The following PDE4B variants were observed in gnomAD, a reference collection of about 807,000 sequenced individuals.
PDE4B encodes the protein 3',5'-cyclic-AMP phosphodiesterase 4B.
PDE4B carries 20 observed loss-of-function variants against 82.2 expected under a neutral mutation model. The ratio of observed to expected loss-of-function variants is 0.24; its 90% CI spans 0.17 to 0.35. The LOEUF (loss-of-function observed/expected upper bound fraction) is 0.35, where lower values mean the gene tolerates loss of function less well. Ranked by LOEUF, PDE4B falls within the 10% of genes least tolerant of loss-of-function variation. The pLI is 1.00. For missense variants in PDE4B, 655 were observed against 907.2 expected (o/e 0.72, Z 3.57); for synonymous variants, 320 against 318.9 (o/e 1.00, Z -0.04).
chr1:65,959,102 A>G (rs189782370), intron 3 of PDE4B, among the ~76,000 whole-genome samples: 126 of 152,336 alleles, frequency 8.3e-4, no homozygotes, highest in African/African-American at 3.0e-3. Context: ...AGGTTTAAAT[A>G]TACAGCACAT....
intron 3 of PDE4B, among the ~76,000 whole-genome samples, chr1:65,923,372 A>G (rs1255571967): frequency 6.6e-6 from 1 of 152,146 alleles, no homozygotes; most frequent in Non-Finnish European, 1.5e-5. Context: ...ATCTTCTTAC[A>G]TGAGGGTCTT....
At chr1:66,064,715 G>A (rs1655755300) in intron 3 of PDE4B, among the ~76,000 whole-genome samples, 1 of 151,868 alleles carries the variant, frequency 6.6e-6, no homozygotes, top group South Asian at 2.1e-4. Flanking sequence ...TGAATTCTTG[G>A]ACACTGCACT....
intron 7 of PDE4B, among the ~76,000 whole-genome samples, chr1:66,286,005 T>A (rs955156492): frequency 1.4e-4 from 22 of 152,148 alleles, no homozygotes; most frequent in African/African-American, 5.3e-4. Context: ...CTGACACACT[T>A]TCCCATCATA....
At chr1:66,069,143 G>T (rs1006864737) in intron 3 of PDE4B, among the ~76,000 whole-genome samples, 2 of 151,942 alleles carry the variant, frequency 1.3e-5, no homozygotes, top group Non-Finnish European at 2.9e-5. Context: ...TTCTTACATG[G>T]TCCTCTATTG....
intron 8 of PDE4B, among the ~76,000 whole-genome samples, chr1:66,337,124 C>A (rs116770087): frequency 1.3e-5 from 2 of 152,174 alleles, no homozygotes; most frequent in East Asian, 3.8e-4. Context: ...GGTAGACAGG[C>A]GCTCAGTCCT....
At chr1:65,919,092 G>C (rs1019645364) in intron 3 of PDE4B, among the ~76,000 whole-genome samples, 7 of 152,124 alleles carry the variant, frequency 4.6e-5, no homozygotes, top group African/African-American at 1.7e-4. Flanking sequence ...TTAATGTAAA[G>C]GGATAACAAA....
chr1:65,821,543 A>T (rs1645952855), intron 1 of PDE4B, among the ~76,000 whole-genome samples: 2 of 152,128 alleles, frequency 1.3e-5, no homozygotes. Flanking sequence ...TTTCATGAAA[A>T]CTAAAAAAAA....
chr1:65,826,038 A>G (rs1001984523), intron 1 of PDE4B, among the ~76,000 whole-genome samples: 6 of 152,164 alleles, frequency 3.9e-5, no homozygotes, highest in African/African-American at 1.2e-4. Flanking sequence ...TGCCTGATTT[A>G]CTGAGAAATT....
rs71058435 is a variant in PDE4B, at chr1:65,920,959, C to CTTTT, written c.281+2148_281+2151dup. On this transcript the variant is annotated intron_variant, in intron 3 of 16. Coordinates refer to ENST00000341517, the MANE Select transcript of PDE4B (RefSeq NM_002600.4). ...AAAACATAAGTAACTAAAAGCATTT[C>CTTTT]TTTTTTTTTTTTTTTTTTTTTTTTT... 6.5e-4 allele frequency among the ~76,000 whole-genome samples: 44 copies of CTTTT among 68,178 alleles called. 5 individuals are homozygous for CTTTT. Among genetic ancestry groups the CTTTT allele is most frequent in the African/African-American group, 9.0e-4 (17 of 18,896 alleles). The allele number at this position is 68,178 out of a possible 152,430, so 44.7% of individuals were successfully genotyped here.
At chr1:65,800,533 A>G (rs1310706352) in intron 1 of PDE4B, among the ~76,000 whole-genome samples, 2 of 152,212 alleles carry the variant, frequency 1.3e-5, no homozygotes, top group African/African-American at 2.4e-5. Context: ...TGGGTCAGTG[A>G]CATCCTGTGT....
chr1:66,280,909 C>T (rs1183549806), intron 7 of PDE4B, among the ~76,000 whole-genome samples: 4 of 152,096 alleles, frequency 2.6e-5, no homozygotes, highest in African/African-American at 9.7e-5. Context: ...GGGTGTTGTC[C>T]AGAGAAAGCT....
chr1:66,039,599 T>C (rs1654253927), intron 3 of PDE4B, among the ~76,000 whole-genome samples: 1 of 152,068 alleles, frequency 6.6e-6, no homozygotes, highest in Non-Finnish European at 1.5e-5. Flanking sequence ...TATCCACTGA[T>C]CTATAATCCC....
chr1:65,889,514 AAAAT>A (rs1001667878), intron 1 of PDE4B, among the ~76,000 whole-genome samples: 2 of 151,958 alleles, frequency 1.3e-5, no homozygotes, highest in Admixed American at 6.6e-5. Flanking sequence ...AATTGCTAAA[AAAAT>A]AAATAAAATG....
chr1:65,807,434 AT>A lies in PDE4B; in HGVS notation c.-71+14190del, dbSNP rs1645766385. Among the ~76,000 whole-genome samples the A allele has an allele frequency of 5.9e-5, 9 of 152,326 alleles. No homozygotes were observed. In the South Asian group the frequency reaches 1.9e-3, roughly 32 times the overall value. ...AATGATGAATATTCAAATCACTTTC[AT>A]TTTAATTATTGGAATTTACCAATGC... On this transcript the variant is annotated intron_variant, in intron 1 of 16. Coordinates refer to ENST00000341517, the MANE Select transcript of PDE4B (RefSeq NM_002600.4).
chr1:66,300,001 A>G (rs1657772411), intron 7 of PDE4B, among the ~76,000 whole-genome samples: 1 of 152,200 alleles, frequency 6.6e-6, no homozygotes. Flanking sequence ...GAATATTAAA[A>G]CCAAACAAAA....
intron 7 of PDE4B, among the ~76,000 whole-genome samples, chr1:66,325,639 T>C (rs917070557): frequency 1.3e-5 from 2 of 152,216 alleles, no homozygotes; most frequent in African/African-American, 4.8e-5. Flanking sequence ...ATGTCAAGAA[T>C]GCATTTTTCT....
chr1:65,875,628 A>C (rs1646630993), intron 1 of PDE4B, among the ~76,000 whole-genome samples: 1 of 149,312 alleles, frequency 6.7e-6, no homozygotes, highest in African/African-American at 2.5e-5. Flanking sequence ...GCCATAAAAA[A>C]TGATGAGTTC....
intron 7 of PDE4B, among the ~76,000 whole-genome samples, chr1:66,285,670 C>T (rs922391037): frequency 2.0e-5 from 3 of 152,104 alleles, no homozygotes; most frequent in African/African-American, 7.2e-5. Flanking sequence ...GTGAAAGATA[C>T]CATTTCATTA....
intron 7 of PDE4B, among the ~76,000 whole-genome samples, chr1:66,292,808 A>C (rs564549100): frequency 6.6e-6 from 1 of 152,224 alleles, no homozygotes; most frequent in East Asian, 1.9e-4. Flanking sequence ...TGTGCCTAAG[A>C]CTCCCTAAGA....
Sources: allele counts gnomAD v4.1 joint callset (sites outside exome capture counted in the v4.1 genomes callset), GRCh38; gene constraint gnomAD v4.1.1; transcripts MANE v1.5; gene names NCBI Gene and HGNC (gene_info 2026-07-23, HGNC 2026-07-21).